Variants in CHAD observed in about 807,000 individuals in gnomAD.
CHAD encodes chondroadherin.
In CHAD, 18 loss-of-function variants were observed where a neutral mutation model predicts 24.0. That is an observed-to-expected ratio of 0.75 (90% confidence interval 0.52 to 1.11). The LOEUF (loss-of-function observed/expected upper bound fraction) is 1.11. CHAD is among the 50% of genes most tolerant of loss of function. CHAD has a pLI of 0.00. For synonymous variants in CHAD, 195 were observed against 211.6 expected (o/e 0.92, Z 0.68); for missense variants, 440 against 467.2 (o/e 0.94, Z 0.54).
In CHAD at chr17:50,465,264, A is replaced by C. The variant is rs777058833; in HGVS notation, c.*4+30T>G. The C allele has an allele frequency of 9.3e-6, 15 of 1,613,432 alleles. No homozygotes were observed. In the East Asian group the frequency reaches 3.1e-4, roughly 34 times the overall value. On this transcript the variant is annotated intron_variant, in intron 3 of 3. Transcript: ENST00000508540. ...CACTTGCTGGAATCACCAAAGAGGG[A>C]CATAGGGGACCTGTTTACCTGGCCC...
intron 2 of CHAD, 49 bp from the exon 3 acceptor site, chr17:50,465,488 G>T (rs952709809): frequency 6.2e-7 from 1 of 1,602,660 alleles, no homozygotes; most frequent in Non-Finnish European, 8.5e-7. Flanking sequence ...TGGGAGTGCT[G>T]GGGGGAAGGG....
intron 1 of CHAD, 23 bp downstream of exon 1, chr17:50,468,017 A>G (rs770502090): frequency 6.4e-7 from 1 of 1,554,886 alleles, no homozygotes; most frequent in Admixed American, 1.8e-5. Flanking sequence ...GAACCAGGGC[A>G]GAGCCCACAG....
At chr17:50,467,626 T>C (rs1191225106) in intron 1 of CHAD, among the ~76,000 whole-genome samples, 1 of 152,108 alleles carries the variant, frequency 6.6e-6, no homozygotes, top group Non-Finnish European at 1.5e-5. Flanking sequence ...CCAGCTCCTC[T>C]GGAAGGCTCC....
At position 50,468,819 on chromosome 17, in the gene CHAD, G is replaced by A. The variant is rs746416766; in HGVS notation, c.-6C>T. The A allele has an allele frequency of 3.3e-6, 5 of 1,515,172 alleles. No individual in the cohort carries two copies. The highest frequency in any genetic ancestry group is 3.5e-6 in the Non-Finnish European group (4 of 1,136,646). 93.9% of individuals were successfully genotyped at this position (1,515,172 alleles called of 1,614,324 possible). On this transcript the variant is annotated 5_prime_UTR_variant, in exon 1 of 4. Coordinates refer to ENST00000508540, the MANE Select transcript of CHAD (RefSeq NM_001267.3). ...AAGAGCATTGGGCGGACCATGGCTG[G>A]GACGCCTGGGGCCGGGGCTGGGGGC...
At position 50,465,459 on chromosome 17, in the gene CHAD, C is replaced by G. The variant is rs1352303451; in HGVS notation, c.939-20G>C. 1 of 1,612,626 alleles carries G rather than the reference C, an allele frequency of 6.2e-7. No homozygotes were observed. Among genetic ancestry groups the G allele is most frequent in the East Asian group, 2.2e-5 (1 of 44,852 alleles). On this transcript the variant is annotated intron_variant, in intron 2 of 3. Coordinates refer to ENST00000508540, the MANE Select transcript of CHAD (RefSeq NM_001267.3). Reference sequence around the variant, plus strand: ...AGCCACCTGGAGAGACAGAAACTTGCTGGGGCTGGGGAAGAAGGTGGGAGT... The same window carrying G: ...AGCCACCTGGAGAGACAGAAACTTGGTGGGGCTGGGGAAGAAGGTGGGAGT...
rs1463759406 is a variant in CHAD at position 50,468,128 on chromosome 17, T to C, written c.686A>G (p.Asn229Ser). 6.2e-7 allele frequency: 1 copy of C among 1,614,062 alleles called. No homozygotes were observed. The highest frequency in any genetic ancestry group is 8.5e-7 in the Non-Finnish European group (1 of 1,179,974). Reference protein sequence around the residue: ...RVVEELKLSHNPLKSIPDNAF... With the variant: ...RVVEELKLSHSPLKSIPDNAF... ...ATTGTCCGGGATGCTTTTCAGGGGG[T>C]TGTGGGACAGCTTCAGCTCCTCCAC... The change falls in exon 1 of 4, where the codon AAC (asparagine) becomes AGC (serine). Residue 229 changes from asparagine (N) to serine (S), a missense_variant. Physicochemically the swap from Asn to Ser is conservative, Grantham distance 46 (BLOSUM62 1). Transcript: ENST00000508540.
At position 50,468,200 on chromosome 17, in the gene CHAD, T is replaced by C; in HGVS notation, c.614A>G (p.Asn205Ser). 6.2e-7 allele frequency: 1 copy of C among 1,613,658 alleles called. No individual in the cohort carries two copies. Among genetic ancestry groups the C allele is most frequent in the Non-Finnish European group, 8.5e-7 (1 of 1,179,630 alleles). Residue 205 changes from asparagine (N) to serine (S), a missense_variant, in exon 1 of 4, where the codon AAC becomes AGC. Transcript: ENST00000508540. ...ENLAKFHVDRNQLSSYPSAAL... is the reference protein window; with the variant it reads ...ENLAKFHVDRSQLSSYPSAAL... ...AGCTGAGGGGTAGCTGGACAGCTGG[T>C]TCCTGTCCACGTGGAATTTGGCGAG...
At chr17:50,466,030 A>C (rs2231506) in intron 1 of CHAD, among the ~76,000 whole-genome samples, 160 bp from the exon 2 acceptor site, 36,093 of 147,374 alleles carry the variant, frequency 0.24, 4,818 homozygotes, top group Middle Eastern at 0.32. Flanking sequence ...ATCTCAGATA[A>C]TCCAATCTAC....
In CHAD at chr17:50,468,825, C is replaced by T. The variant is rs1407274515; in HGVS notation, c.-12G>A. ...ATTGGGCGGACCATGGCTGGGACGC[C>T]TGGGGCCGGGGCTGGGGGCAGCAGC... On this transcript the variant is annotated 5_prime_UTR_variant, in exon 1 of 4. Coordinates refer to ENST00000508540, the MANE Select transcript of CHAD (RefSeq NM_001267.3). 6.6e-7 allele frequency: 1 copy of T among 1,508,376 alleles called. No individual in the cohort carries two copies. Among genetic ancestry groups the T allele is most frequent in the Non-Finnish European group, 8.8e-7 (1 of 1,133,616 alleles). The allele number at this position is 1,508,376 out of a possible 1,614,324, so 93.4% of individuals were successfully genotyped here.
rs1169045836 is a variant in CHAD at position 50,468,637 on chromosome 17, C to G, written c.177G>C (p.Gln59His). 3 of 1,614,120 alleles carry G rather than the reference C, an allele frequency of 1.9e-6. No homozygotes were observed. The African/African-American group carries it at 4.0e-5, about 22-fold the overall frequency. ...CAGCCAGCACCGGGAAGTTGTTGCG[C>G]TGTAGGTTGAGCAGCTTGGTCTTCT... is the stretch of plus-strand genomic sequence containing the variant. ...VSEKTKLLNL[Q>H]RNNFPVLAAN... Residue 59 changes from glutamine to histidine, a missense_variant, in exon 1 of 4, where the codon CAG becomes CAC. Physicochemically the swap from Gln to His is conservative, Grantham distance 24 (BLOSUM62 0). Transcript: ENST00000508540.
chr17:50,468,760 C>T lies in CHAD; in HGVS notation c.54G>A (p.Pro18=), dbSNP rs1188366825. Residue 18 remains proline (P), a synonymous_variant, in exon 1 of 4, where the codon CCG becomes CCA. Coordinates refer to ENST00000508540, the MANE Select transcript of CHAD (RefSeq NM_001267.3). ...LSLGLLAGLL[P]ALAACPQNCH... Reference sequence around the variant, plus strand: ...AGTTCTGGGGGCAGGCGGCCAGCGCCGGCAGCAGACCAGCCAGGAGGCCGA... The same window carrying T: ...AGTTCTGGGGGCAGGCGGCCAGCGCTGGCAGCAGACCAGCCAGGAGGCCGA... 6.3e-7 allele frequency: 1 copy of T among 1,593,272 alleles called. No individual in the cohort carries two copies.
At chr17:50,467,287 C>A (rs2032796131) in intron 1 of CHAD, among the ~76,000 whole-genome samples, 1 of 152,192 alleles carries the variant, frequency 6.6e-6, no homozygotes, top group South Asian at 2.1e-4. Flanking sequence ...GTGAGTCACG[C>A]CAGTCTTCTC....
At chr17:50,466,907 G>A (rs981491457) in intron 1 of CHAD, among the ~76,000 whole-genome samples, 1 of 152,206 alleles carries the variant, frequency 6.6e-6, no homozygotes, top group Non-Finnish European at 1.5e-5. Context: ...CAGCTGGGGA[G>A]AGGCAGGGCT....
chr17:50,468,862 G>A lies in CHAD; in HGVS notation c.-49C>T, dbSNP rs1470135750. The A allele has an allele frequency of 2.1e-6, 3 of 1,446,962 alleles. No individual in the cohort carries two copies. The highest frequency in any genetic ancestry group is 1.8e-6 in the Non-Finnish European group (2 of 1,109,210). The allele number at this position is 1,446,962 out of a possible 1,614,324, so 89.6% of individuals were successfully genotyped here. ...CTGGGGGCAGCAGCGGCGGCGGGGC[G>A]CGGGCAGCGGCGAGTCCTAGGCGCT... On this transcript the variant is annotated 5_prime_UTR_variant, in exon 1 of 4. Coordinates refer to ENST00000508540, the MANE Select transcript of CHAD (RefSeq NM_001267.3).
chr17:50,464,515 T>C lies in CHAD; in HGVS notation c.*539A>G. 1 of 678,822 alleles carries C rather than the reference T, an allele frequency of 1.5e-6. No individual in the cohort carries two copies. Among genetic ancestry groups the C allele is most frequent in the Non-Finnish European group, 2.7e-6 (1 of 370,838 alleles). 42.0% of individuals were successfully genotyped at this position (678,822 alleles called of 1,614,324 possible). ...AGTAAATATAATACATACATACATT[T>C]ATATTTATAGAAATCTCAGGAAGAA... is the stretch of plus-strand genomic sequence containing the variant. On this transcript the variant is annotated 3_prime_UTR_variant, in exon 4 of 4. Transcript: ENST00000508540.
At chr17:50,467,786 G>C (rs1362679601) in intron 1 of CHAD, 1 of 412,688 alleles carries the variant, frequency 2.4e-6, no homozygotes, top group East Asian at 3.8e-5. Context: ...GGGGCCTTTT[G>C]TGGGGCCAGG....
Position 50,468,508 on chromosome 17 carries a change from G to C in CHAD, c.306C>G (p.Ile102Met). Residue 102 changes from isoleucine (I) to methionine (M), a missense_variant, in exon 1 of 4, where the codon ATC (isoleucine) becomes ATG (methionine). Coordinates refer to ENST00000508540, the MANE Select transcript of CHAD (RefSeq NM_001267.3). Reference sequence around the variant, plus strand: ...TGTCGTTATGGGACAGGTACAAGTAGATAAGTTGCTTGAGGCCGCGGAAGG... The same window carrying C: ...TGTCGTTATGGGACAGGTACAAGTACATAAGTTGCTTGAGGCCGCGGAAGG... ...AGAFRGLKQL[I>M]YLYLSHNDIR... is the part of the protein sequence containing the mutation. 6.2e-7 allele frequency: 1 copy of C among 1,614,266 alleles called. No homozygotes were observed. The highest frequency in any genetic ancestry group is 8.5e-7 in the Non-Finnish European group (1 of 1,180,044).
rs1429285751 is a variant in CHAD, at chr17:50,465,354, C to T, written c.1024G>A (p.Ala342Thr). 1 of 1,614,014 alleles carries T rather than the reference C, an allele frequency of 6.2e-7. No individual in the cohort carries two copies. The highest frequency in any genetic ancestry group is 8.5e-7 in the Non-Finnish European group (1 of 1,180,006). Residue 342 changes from alanine to threonine, a missense_variant, in exon 3 of 4, where the codon GCC (alanine) becomes ACC (threonine). Physicochemically the swap from Ala to Thr is moderately conservative, Grantham distance 58. Transcript: ENST00000508540. ...FKGQHIRDTD[A>T]FRSCKFPTKR... ...GTGGGGAACTTGCAGCTGCGGAAGG[C>T]GTCCGTGTCACGGATGTGCTGGCCC...
In CHAD at chr17:50,468,231, C is replaced by G. The variant is rs1314872416; in HGVS notation, c.583G>C (p.Glu195Gln). The G allele has an allele frequency of 6.2e-7, 1 of 1,612,624 alleles. No homozygotes were observed. The highest frequency in any genetic ancestry group is 8.5e-7 in the Non-Finnish European group (1 of 1,178,838). ...TCCACGTGGAATTTGGCGAGGTTCT[C>G]CACGTCGTCCAGGGCCCCGGGCTGC... ...SLQPGALDDVENLAKFHVDRN... is the reference protein window; with the variant it reads ...SLQPGALDDVQNLAKFHVDRN... Residue 195 changes from glutamate to glutamine, a missense_variant, in exon 1 of 4, where the codon GAG (glutamate) becomes CAG (glutamine). Physicochemically the swap from Glu to Gln is conservative, Grantham distance 29. Transcript: ENST00000508540.
Sources: gnomAD v4.1 joint callset for allele counts (sites outside exome capture counted in the v4.1 genomes callset) on GRCh38, gnomAD v4.1.1 for gene constraint, MANE v1.5 for transcripts, NCBI Gene and HGNC (gene_info 2026-07-23, HGNC 2026-07-21) for gene names.